The following PRRC2B variants were observed in gnomAD, a reference collection of about 807,000 sequenced individuals.
PRRC2B encodes proline rich coiled-coil 2B, also known as protein PRRC2B.
A neutral mutation model predicts 242.3 loss-of-function variants in PRRC2B; 68 were observed. That is an observed-to-expected ratio of 0.28 (90% confidence interval 0.23 to 0.34). The LOEUF is 0.34. PRRC2B is among the 10% of genes least tolerant of loss of function. The pLI is 1.00. For synonymous variants in PRRC2B, 1,228 were observed against 1,173.6 expected, an observed-to-expected ratio of 1.05 and a Z score of -0.95; for missense variants, 2,835 against 2,954.8, an observed-to-expected ratio of 0.96 and a Z score of 0.94.
At chr9:131,410,501 G>C (rs1266679728) in intron 1 of PRRC2B, among the ~76,000 whole-genome samples, 1 of 152,168 alleles carries the variant, frequency 6.6e-6, no homozygotes, top group African/African-American at 2.4e-5. Flanking sequence ...AGCAGGCGTC[G>C]TTCTTCCAGT....
At chr9:131,410,808 T>A (rs1837488486) in intron 1 of PRRC2B, among the ~76,000 whole-genome samples, 1 of 152,192 alleles carries the variant, frequency 6.6e-6, no homozygotes, top group African/African-American at 2.4e-5. Flanking sequence ...TTTATTACAC[T>A]CCCTAGCTCT....
Position 131,455,171 on chromosome 9 carries a change from G to A in PRRC2B, c.1211+5G>A, listed in dbSNP as rs1412333763. 7 of 1,608,192 alleles carry A rather than the reference G, an allele frequency of 4.4e-6. No individual in the cohort carries two copies. In the East Asian group the frequency reaches 1.6e-4, roughly 36 times the overall value. On this transcript the variant is annotated splice_donor_5th_base_variant and intron_variant, in intron 10 of 31. Transcript: ENST00000683519. Reference sequence around the variant, plus strand: ...GAAGGACGGCAGGCCAAAGTGGTAAGGACCCGTTCCTGCCCTATCAGCATG... The same window carrying A: ...GAAGGACGGCAGGCCAAAGTGGTAAAGACCCGTTCCTGCCCTATCAGCATG...
Position 131,447,096 on chromosome 9 carries a change from G to A in PRRC2B, c.867G>A (p.Pro289=), listed in dbSNP as rs775664587. The change falls in exon 8 of 32, where the codon CCG becomes CCA. Residue 289 remains proline (P), a synonymous_variant. Coordinates refer to ENST00000683519, the MANE Select transcript of PRRC2B (RefSeq NM_013318.4). Reference sequence around the variant, plus strand: ...ATGTTATGTTTCAGATGTGTTCGCCGAAGTCATCAGAAAACCAGGGTACAG... The same window carrying A: ...ATGTTATGTTTCAGATGTGTTCGCCAAAGTCATCAGAAAACCAGGGTACAG... ...HDMLPAFMCS[P]KSSENQGTVE... 49 of 1,614,002 alleles carry A rather than the reference G, an allele frequency of 3.0e-5. No homozygotes were observed. The highest frequency in any genetic ancestry group is 3.8e-5 in the Non-Finnish European group (45 of 1,179,892).
At position 131,491,587 on chromosome 9, in the gene PRRC2B, G is replaced by A; in HGVS notation, c.6381+7G>A. 1 of 1,605,066 alleles carries A rather than the reference G, an allele frequency of 6.2e-7. No homozygotes were observed. The highest frequency in any genetic ancestry group is 8.5e-7 in the Non-Finnish European group (1 of 1,176,250). On this transcript the variant is annotated splice_region_variant and intron_variant, in intron 29 of 31. Transcript: ENST00000683519. The stretch of plus-strand genomic sequence containing the variant: ...CCTGAACACCAGCAGAGAGGTAAGG[G>A]GACCCCATCTGCCTCTGACCCTAGG...
chr9:131,490,374 A>C, intron 28 of PRRC2B: 3 of 499,596 alleles, frequency 6.0e-6, no homozygotes, highest in Non-Finnish European at 1.2e-5. Flanking sequence ...AAGTCAGATC[A>C]TACCCCAAGT....
At chr9:131,460,687 T>C (rs1943217002) in intron 11 of PRRC2B, among the ~76,000 whole-genome samples, 1 of 152,220 alleles carries the variant, frequency 6.6e-6, no homozygotes, top group African/African-American at 2.4e-5. Context: ...GTGGGTGTAA[T>C]CTACTCTCAC....
chr9:131,387,804 T>C (rs1291245128), intron 1 of PRRC2B, among the ~76,000 whole-genome samples: 2 of 150,710 alleles, frequency 1.3e-5, no homozygotes, highest in Non-Finnish European at 3.0e-5. Flanking sequence ...AGACTTCATG[T>C]GACCACAAAG....
intron 1 of PRRC2B, among the ~76,000 whole-genome samples, chr9:131,382,526 T>C (rs7853580): frequency 0.026 from 4,017 of 152,188 alleles, 161 homozygotes; most frequent in African/African-American, 0.089. Flanking sequence ...GTGTGTGTGT[T>C]CACTGCTAAG....
intron 3 of PRRC2B, among the ~76,000 whole-genome samples, chr9:131,434,884 T>C (rs1838294934): frequency 1.3e-5 from 2 of 152,164 alleles, no homozygotes; most frequent in Admixed American, 6.5e-5. Flanking sequence ...CACAGCCTTT[T>C]TTTGGAGGGC....
intron 1 of PRRC2B, among the ~76,000 whole-genome samples, chr9:131,399,040 C>T (rs1201252741): frequency 6.6e-6 from 1 of 151,468 alleles, no homozygotes; most frequent in Non-Finnish European, 1.5e-5. Context: ...CTTTGGCAGG[C>T]CGAGGTGGGC....
chr9:131,499,746 CAG>C lies in PRRC2B; in HGVS notation c.*3875_*3876del, dbSNP rs1183495662. On this transcript the variant is annotated 3_prime_UTR_variant, in exon 32 of 32. Coordinates refer to ENST00000683519, the MANE Select transcript of PRRC2B (RefSeq NM_013318.4). ...CCATCTTCAGCATGTTCTGAAGCCT[CAG>C]AGTGGAAATTCCTGCTAAGGCTCTG... is the stretch of plus-strand genomic sequence containing the variant. 6.6e-6 allele frequency: 1 copy of C among 152,194 alleles called. No homozygotes were observed. Among genetic ancestry groups the C allele is most frequent in the Non-Finnish European group, 1.5e-5 (1 of 68,038 alleles). The allele number at this position is 152,194 out of a possible 1,614,324, so 9.4% of individuals were successfully genotyped here.
Position 131,467,672 on chromosome 9 carries a change from G to A in PRRC2B, c.1830G>A (p.Glu610=). Reference sequence around the variant, plus strand: ...ACAGCAGTGAGGAAGAGGCCAGAGAGGCTGGGTCCCCTGCACAGGAGTTCA... The same window carrying A: ...ACAGCAGTGAGGAAGAGGCCAGAGAAGCTGGGTCCCCTGCACAGGAGTTCA... The part of the protein sequence containing the change: ...QSNSSEEEAR[E]AGSPAQEFKY... The change falls in exon 13 of 32, where the codon GAG becomes GAA. Residue 610 remains glutamate, a synonymous_variant. Coordinates refer to ENST00000683519, the MANE Select transcript of PRRC2B (RefSeq NM_013318.4). 1 of 1,613,982 alleles carries A rather than the reference G, an allele frequency of 6.2e-7. No homozygotes were observed. The highest frequency in any genetic ancestry group is 8.5e-7 in the Non-Finnish European group (1 of 1,179,894).
intron 17 of PRRC2B, 93 bp from the exon 18 acceptor site, chr9:131,478,381 C>A: frequency 8.1e-7 from 1 of 1,241,968 alleles, no homozygotes; most frequent in South Asian, 1.3e-5. Context: ...TTCTGTCGAG[C>A]CTGATGCTAG....
At position 131,495,776 on chromosome 9, in the gene PRRC2B, G is replaced by C. The variant is rs139272916; in HGVS notation, c.6592G>C (p.Ala2198Pro). The change falls in exon 32 of 32, where the codon GCC becomes CCC. Residue 2198 changes from alanine (A) to proline (P), a missense_variant. This residue lies in a region of PRRC2B where 574 missense variants were observed against 626.0 expected (regional missense o/e 0.92). Transcript: ENST00000683519. ...QRVDEKPSLG[A>P]VKLQEAPSAA... ...AGTGGATGAGAAACCCAGCCTGGGA[G>C]CCGTGAAGCTGCAGGAGGCCCCCTC... is the stretch of plus-strand genomic sequence containing the variant. 1,556 of 1,612,790 alleles carry C rather than the reference G, an allele frequency of 9.6e-4. 33 individuals carry two copies. The East Asian group carries it at 0.033, about 34-fold the overall frequency.
chr9:131,441,076 T>A (rs1238920601), intron 5 of PRRC2B, among the ~76,000 whole-genome samples: 1 of 152,122 alleles, frequency 6.6e-6, no homozygotes, highest in Non-Finnish European at 1.5e-5. Context: ...TACACCAACC[T>A]GGGTGACAGA....
intron 28 of PRRC2B, among the ~76,000 whole-genome samples, chr9:131,488,723 C>G (rs191891213): frequency 6.6e-6 from 1 of 152,146 alleles, no homozygotes; most frequent in African/African-American, 2.4e-5. Context: ...TTCTAGACTC[C>G]TCTTCTTCCT....
intron 1 of PRRC2B, among the ~76,000 whole-genome samples, chr9:131,407,636 ATTAT>A (rs1837400073): frequency 6.6e-6 from 1 of 152,004 alleles, no homozygotes; most frequent in Non-Finnish European, 1.5e-5. Context: ...TTTGCTGGAG[ATTAT>A]TTATACCAAC....
chr9:131,476,237 G>A lies in PRRC2B; in HGVS notation c.4108G>A (p.Ala1370Thr), dbSNP rs1943694801. Residue 1370 changes from alanine (A) to threonine (T), a missense_variant, in exon 16 of 32, where the codon GCC (alanine) becomes ACC (threonine). Transcript: ENST00000683519. Reference sequence around the variant, plus strand: ...CTCCTACCAGAACTCCTCCGATCACGCCAATGAGGAGTGGGAGACGGCCTC... The same window carrying A: ...CTCCTACCAGAACTCCTCCGATCACACCAATGAGGAGTGGGAGACGGCCTC... ...ELSYQNSSDH[A>T]NEEWETASES... The A allele has an allele frequency of 1.2e-6, 2 of 1,612,736 alleles. No individual in the cohort carries two copies. The highest frequency in any genetic ancestry group is 1.1e-5 in the South Asian group (1 of 90,938).
At chr9:131,456,753 C>T (rs1943093180) in intron 10 of PRRC2B, among the ~76,000 whole-genome samples, 1 of 152,160 alleles carries the variant, frequency 6.6e-6, no homozygotes, top group Admixed American at 6.5e-5. Flanking sequence ...CTGCAGTGAG[C>T]CATGATTGCA....
Sources: allele counts gnomAD v4.1 joint callset (sites outside exome capture counted in the v4.1 genomes callset), GRCh38; gene constraint gnomAD v4.1.1; regional missense constraint gnomAD v4.1.1; transcripts MANE v1.5; gene names NCBI Gene and HGNC (gene_info 2026-07-23, HGNC 2026-07-21).